The following MRPL48 variants were observed in gnomAD, a reference collection of about 807,000 sequenced individuals.
MRPL48 encodes the protein large ribosomal subunit protein mL48.
MRPL48 carries 16 observed loss-of-function variants against 32.9 expected under a neutral mutation model. The observed-to-expected ratio is 0.49, with a 90% confidence interval of 0.33 to 0.74. The LOEUF (loss-of-function observed/expected upper bound fraction) is 0.74, where lower values mean the gene tolerates loss of function less well. Among genes scored for constraint, MRPL48 ranks in the 30% least tolerant of loss-of-function variants. MRPL48 has a pLI of 0.02. For missense variants in MRPL48, 206 were observed against 245.3 expected, an observed-to-expected ratio of 0.84 and a Z score of 1.07; for synonymous variants, 94 against 89.2, an observed-to-expected ratio of 1.05 and a Z score of -0.31.
At chr11:73,814,705 A>G (rs565802293) in intron 3 of MRPL48, among the ~76,000 whole-genome samples, 341 of 151,042 alleles carry the variant, frequency 2.3e-3, no homozygotes, top group Admixed American at 3.9e-3. Flanking sequence ...AGAAAAAAAA[A>G]AAGTGAGGCT....
intron 5 of MRPL48, among the ~76,000 whole-genome samples, chr11:73,852,350 G>T (rs1027954413): frequency 3.3e-5 from 4 of 122,720 alleles, no homozygotes; most frequent in African/African-American, 1.2e-4. Context: ...GCTGACAAGG[G>T]ATTAATAACC....
intron 1 of MRPL48, among the ~76,000 whole-genome samples, chr11:73,790,304 C>T (rs1475868272): frequency 6.8e-6 from 1 of 146,998 alleles, no homozygotes; most frequent in Non-Finnish European, 1.5e-5. Flanking sequence ...CTCCTGACCT[C>T]GTGATCCGGA....
In MRPL48 at chr11:73,864,627, G is replaced by C. The variant is rs1948639344; in HGVS notation, c.*257G>C. ...TGTATATGTATGTGTGTGTGAGAGA[G>C]AGAAATTGGCCCATCCTGTGGAGTA... is the stretch of plus-strand genomic sequence containing the variant. On this transcript the variant is annotated 3_prime_UTR_variant, in exon 8 of 8. Coordinates refer to ENST00000310614, the MANE Select transcript of MRPL48 (RefSeq NM_016055.6). 8.2e-6 allele frequency: 4 copies of C among 488,570 alleles called. No homozygotes were observed. Among genetic ancestry groups the C allele is most frequent in the Admixed American group, 3.2e-5 (1 of 31,682 alleles). The allele number at this position is 488,570 out of a possible 1,614,324, so 30.3% of individuals were successfully genotyped here.
intron 4 of MRPL48, among the ~76,000 whole-genome samples, chr11:73,838,310 C>A (rs1270736587): frequency 6.6e-6 from 1 of 152,210 alleles, no homozygotes; most frequent in Non-Finnish European, 1.5e-5. Flanking sequence ...GCTGGCTATG[C>A]TGTGCCCTGG....
chr11:73,811,978 C>T (rs11235913), intron 3 of MRPL48, among the ~76,000 whole-genome samples: 14,452 of 152,110 alleles, frequency 0.095, 823 homozygotes, highest in South Asian at 0.27. Flanking sequence ...CTCCACCACC[C>T]GGGTTCACAC....
intron 1 of MRPL48, among the ~76,000 whole-genome samples, chr11:73,794,549 C>G (rs1947214296): frequency 6.9e-6 from 1 of 144,808 alleles, no homozygotes; most frequent in Non-Finnish European, 1.5e-5. Context: ...GAGTGAAACT[C>G]CATCTCTGGA....
chr11:73,858,421 T>C (rs1305536780), intron 5 of MRPL48, among the ~76,000 whole-genome samples: 1 of 152,246 alleles, frequency 6.6e-6, no homozygotes, highest in Non-Finnish European at 1.5e-5. Context: ...CAAATTCAAA[T>C]AGGTAATAAT....
At chr11:73,856,076 T>C (rs1413029396) in intron 5 of MRPL48, among the ~76,000 whole-genome samples, 1 of 152,282 alleles carries the variant, frequency 6.6e-6, no homozygotes, top group South Asian at 2.1e-4. Context: ...TACAGACTTG[T>C]TGATTTGGAT....
intron 1 of MRPL48, among the ~76,000 whole-genome samples, chr11:73,793,345 C>T (rs1284439692): frequency 6.6e-6 from 1 of 152,170 alleles, no homozygotes; most frequent in Non-Finnish European, 1.5e-5. Flanking sequence ...GATTAATAGG[C>T]GTGAGCCACT....
chr11:73,816,739 C>T (rs190566121), intron 3 of MRPL48, among the ~76,000 whole-genome samples: 17 of 152,262 alleles, frequency 1.1e-4, no homozygotes, highest in Admixed American at 1.1e-3. Flanking sequence ...GTTGGGATTA[C>T]AGGCATGAGC....
chr11:73,839,702 C>T (rs772536132), intron 4 of MRPL48, among the ~76,000 whole-genome samples: 7 of 152,138 alleles, frequency 4.6e-5, no homozygotes, highest in Non-Finnish European at 8.8e-5. Flanking sequence ...ACAAGGATGT[C>T]TCCATGATCT....
At chr11:73,831,940 C>CAAAAAAAAAAAAAAAAAA (rs4019304) in intron 4 of MRPL48, among the ~76,000 whole-genome samples, 1 of 67,108 alleles carries the variant, frequency 1.5e-5, no homozygotes, top group Non-Finnish European at 2.6e-5. Flanking sequence ...AACTCTGTCT[C>CAAAAAAAAAAAAAAAAAA]AAAAAAAAAA....
intron 4 of MRPL48, chr11:73,842,456 A>G (rs948095734): frequency 6.6e-6 from 1 of 152,132 alleles, no homozygotes; most frequent in Non-Finnish European, 1.5e-5. Flanking sequence ...GTATCTGTAC[A>G]TAAAGAAGTG....
rs550827766 is a variant in MRPL48, at chr11:73,801,111, G to C, written c.22-3916G>C. 5.3e-5 allele frequency among the ~76,000 whole-genome samples: 8 copies of C among 152,214 alleles called. No homozygotes were observed. In the East Asian group the frequency reaches 5.8e-4, roughly 11 times the overall value. On this transcript the variant is annotated intron_variant, in intron 1 of 7. Transcript: ENST00000310614. ...CAGGCGTGAGCCACTGGGCCTGGCC[G>C]AAAGTTGTCAATTCTTAAGCCTGGC...
chr11:73,817,470 A>G (rs1347384313), intron 3 of MRPL48, among the ~76,000 whole-genome samples: 1 of 152,164 alleles, frequency 6.6e-6, no homozygotes, highest in Admixed American at 6.6e-5. Context: ...ATACTTCTCT[A>G]TTTGAGAATC....
chr11:73,794,584 TCAGAC>T (rs1947215849), intron 1 of MRPL48, among the ~76,000 whole-genome samples: 3 of 150,774 alleles, frequency 2.0e-5, no homozygotes, highest in Admixed American at 2.0e-4. Flanking sequence ...TTAAATCAGG[TCAGAC>T]AAACAAACAA....
At chr11:73,837,040 T>C (rs1028801565) in intron 4 of MRPL48, among the ~76,000 whole-genome samples, 1 of 152,076 alleles carries the variant, frequency 6.6e-6, no homozygotes, top group Non-Finnish European at 1.5e-5. Flanking sequence ...TCACAGCTCA[T>C]TATGGACTGT....
At chr11:73,823,655 T>G (rs80128601) in intron 3 of MRPL48, among the ~76,000 whole-genome samples, 1 of 49,740 alleles carries the variant, frequency 2.0e-5, no homozygotes, top group South Asian at 6.7e-4. Flanking sequence ...TTCTTTTCTG[T>G]TTTTTTTTTT....
chr11:73,844,657 CAGG>C (rs1281497556), intron 4 of MRPL48, 147 bp from the exon 5 acceptor site: 1 of 809,958 alleles, frequency 1.2e-6, no homozygotes, highest in African/African-American at 1.7e-5. Context: ...CTTTCCTTCC[CAGG>C]AGAACTTCAG....
Sources: allele counts gnomAD v4.1 joint callset (sites outside exome capture counted in the v4.1 genomes callset), GRCh38; gene constraint gnomAD v4.1.1; transcripts MANE v1.5; gene names NCBI Gene and HGNC (gene_info 2026-07-23, HGNC 2026-07-21).